Variants in TAB2 observed in about 807,000 individuals in gnomAD.
TAB2 encodes TGF-beta-activated kinase 1 and MAP3K7-binding protein 2.
A neutral mutation model predicts 65.0 loss-of-function variants in TAB2; 3 were observed. That is an observed-to-expected ratio of 0.05 (90% CI 0.02 to 0.12). The LOEUF (loss-of-function observed/expected upper bound fraction) is 0.12. Among genes scored for constraint, TAB2 ranks in the 10% least tolerant of loss-of-function variants. TAB2 has a pLI of 1.00. For synonymous variants in TAB2, 298 were observed against 285.1 expected, an observed-to-expected ratio of 1.05 and a Z score of -0.46; for missense variants, 623 against 840.3, an observed-to-expected ratio of 0.74 and a Z score of 3.20.
intron 2 of TAB2, among the ~76,000 whole-genome samples, chr6:149,371,778 A>G (rs914851363): frequency 2.0e-5 from 3 of 152,196 alleles, no homozygotes; most frequent in Non-Finnish European, 2.9e-5. Flanking sequence ...CCCATAAGGT[A>G]TATTTGGTAA....
chr6:149,243,133 G>A (rs192345584), intron 1 of TAB2, among the ~76,000 whole-genome samples: 145 of 152,286 alleles, frequency 9.5e-4, no homozygotes, highest in African/African-American at 3.2e-3. Context: ...CCTTCTCTCC[G>A]AAATCTGCTC....
Position 149,411,311 on chromosome 6 carries a change from A to T in TAB2, c.*1592A>T, listed in dbSNP as rs1221913466. 1.3e-5 allele frequency: 2 copies of T among 152,444 alleles called. No homozygotes were observed. The highest frequency in any genetic ancestry group is 4.8e-5 in the African/African-American group (2 of 41,432). The allele number at this position is 152,444 out of a possible 1,614,324, so 9.4% of individuals were successfully genotyped here. ...GGATTATTACAGTTGATCTCTATGA[A>T]TGTCAGAGCCCTAACTTTCAGGCTT... is the stretch of plus-strand genomic sequence containing the variant. On this transcript the variant is annotated 3_prime_UTR_variant, in exon 7 of 7. Transcript: ENST00000637181.
At chr6:149,359,373 T>C (rs549614905) in intron 1 of TAB2, among the ~76,000 whole-genome samples, 3 of 152,344 alleles carry the variant, frequency 2.0e-5, no homozygotes, top group South Asian at 4.1e-4. Flanking sequence ...ACCTGTAGTG[T>C]AAATTTGGAT....
rs140397850 is a variant in TAB2, at chr6:149,306,007, G to A, written c.-120-72011G>A. Among the ~76,000 whole-genome samples the A allele has an allele frequency of 1.2e-4, 19 of 152,274 alleles. No homozygotes were observed. The East Asian group carries it at 3.7e-3, about 29-fold the overall frequency. ...ACAATCAGTTTGGTTCCCTTTTTCT[G>A]TAATTCATGTGTGAATTTTGTTCTA... On this transcript the variant is annotated intron_variant, in intron 1 of 1. Transcript: ENST00000606202.
intron 1 of TAB2, among the ~76,000 whole-genome samples, chr6:149,365,450 CTTATA>C (rs1020213988): frequency 5.9e-5 from 9 of 152,070 alleles, no homozygotes; most frequent in East Asian, 1.9e-4. Flanking sequence ...TCTTTCAGCA[CTTATA>C]TTATGTCATT....
intron 1 of TAB2, among the ~76,000 whole-genome samples, chr6:149,305,219 A>T (rs1277571205): frequency 6.6e-6 from 1 of 152,162 alleles, no homozygotes; most frequent in East Asian, 1.9e-4. Context: ...TTTGTCATGG[A>T]TAGAATGTCT....
At chr6:149,331,483 C>G (rs1291718385) in intron 1 of TAB2, among the ~76,000 whole-genome samples, 1 of 152,098 alleles carries the variant, frequency 6.6e-6, no homozygotes, top group Non-Finnish European at 1.5e-5. Context: ...TCTGATGTGC[C>G]TGTGCATAGA....
At chr6:149,219,097 G>A (rs1453710376) in intron 1 of TAB2, among the ~76,000 whole-genome samples, 2 of 152,058 alleles carry the variant, frequency 1.3e-5, no homozygotes, top group Non-Finnish European at 2.9e-5. Flanking sequence ...ATAGTCTCTG[G>A]GGATGATTGG....
In TAB2 at chr6:149,379,125, C is replaced by G; in HGVS notation, c.1210C>G (p.Gln404Glu). ...AGGAGATGAACAGGTCATGCGGAATCAGCCCACACTCTTCATATCCACAAA... is the reference window on the plus strand; with the variant it reads ...AGGAGATGAACAGGTCATGCGGAATGAGCCCACACTCTTCATATCCACAAA... ...ATGDEQVMRN[Q>E]PTLFISTNSG... Residue 404 changes from glutamine (Q) to glutamate (E), a missense_variant, in exon 3 of 7, where the codon CAG (glutamine) becomes GAG (glutamate). By Grantham distance (29) the Gln-to-Glu change is conservative (BLOSUM62 2). Coordinates refer to ENST00000637181, the MANE Select transcript of TAB2 (RefSeq NM_001292034.3). 1 of 1,614,182 alleles carries G rather than the reference C, an allele frequency of 6.2e-7. No individual in the cohort carries two copies. The highest frequency in any genetic ancestry group is 8.5e-7 in the Non-Finnish European group (1 of 1,180,040).
intron 1 of TAB2, among the ~76,000 whole-genome samples, chr6:149,319,517 G>T (rs943367177): frequency 2.0e-5 from 3 of 151,462 alleles, no homozygotes. Context: ...GGTACAGTTA[G>T]TTTAAGGATT....
chr6:149,364,860 T>C (rs966561214), intron 1 of TAB2, among the ~76,000 whole-genome samples: 2 of 151,858 alleles, frequency 1.3e-5, no homozygotes, highest in African/African-American at 4.8e-5. Flanking sequence ...TATGATAAAC[T>C]GCACTGAATA....
chr6:149,224,666 G>A (rs1777229627), intron 1 of TAB2, among the ~76,000 whole-genome samples: 1 of 152,182 alleles, frequency 6.6e-6, no homozygotes, highest in African/African-American at 2.4e-5. Context: ...AAGAGGTAAG[G>A]GAGAGCACAA....
intron 1 of TAB2, among the ~76,000 whole-genome samples, chr6:149,294,051 T>C (rs2114697355): frequency 6.6e-6 from 1 of 152,358 alleles, no homozygotes; most frequent in Non-Finnish European, 1.5e-5. Flanking sequence ...ATAAATCCAG[T>C]ATCTGATTAT....
intron 1 of TAB2, among the ~76,000 whole-genome samples, chr6:149,333,665 T>G (rs2114759056): frequency 6.6e-6 from 1 of 151,892 alleles, no homozygotes; most frequent in East Asian, 1.9e-4. Flanking sequence ...ATTAGGAGAT[T>G]GGGTATTTTT....
chr6:149,327,810 A>AT (rs1443973902), intron 1 of TAB2, among the ~76,000 whole-genome samples: 1 of 152,222 alleles, frequency 6.6e-6, no homozygotes, highest in African/African-American at 2.4e-5. Flanking sequence ...TCAGAAGAAA[A>AT]TTCCCACTTC....
intron 6 of TAB2, among the ~76,000 whole-genome samples, chr6:149,408,007 G>A (rs1782725220): frequency 6.6e-6 from 1 of 152,050 alleles, no homozygotes; most frequent in Admixed American, 6.5e-5. Context: ...AATCAACAAG[G>A]TTTTACTAAA....
At chr6:149,291,812 G>C (rs1366801683) in intron 1 of TAB2, among the ~76,000 whole-genome samples, 3 of 152,110 alleles carry the variant, frequency 2.0e-5, no homozygotes, top group Non-Finnish European at 4.4e-5. Flanking sequence ...AGTGAGCCAA[G>C]ATCATACCAC....
At chr6:149,335,954 T>C (rs1359701398) in intron 1 of TAB2, among the ~76,000 whole-genome samples, 1 of 152,116 alleles carries the variant, frequency 6.6e-6, no homozygotes, top group Admixed American at 6.6e-5. Flanking sequence ...TTTCACATAC[T>C]TTGCTGCTTT....
chr6:149,292,702 G>A (rs189634486), intron 1 of TAB2, among the ~76,000 whole-genome samples: 1 of 152,178 alleles, frequency 6.6e-6, no homozygotes, highest in African/African-American at 2.4e-5. Context: ...AAGAAATCCA[G>A]CATATTTTTG....
Sources: allele counts gnomAD v4.1 joint callset (sites outside exome capture counted in the v4.1 genomes callset), GRCh38; gene constraint gnomAD v4.1.1; transcripts MANE v1.5; gene names NCBI Gene and HGNC (gene_info 2026-07-23, HGNC 2026-07-21).